CSMD1: variants seen among roughly 807,000 people sequenced by gnomAD.
CSMD1 encodes CUB and sushi domain-containing protein 1.
In CSMD1, 213 loss-of-function variants were observed where a neutral mutation model predicts 417.5. That is an observed-to-expected ratio of 0.51 (90% CI 0.46 to 0.57). The LOEUF (loss-of-function observed/expected upper bound fraction) is 0.57, where lower values mean the gene tolerates loss of function less well. CSMD1 is among the 20% of genes least tolerant of loss of function. The probability of loss-of-function intolerance (pLI) is 0.00; values close to 1 mark genes in which losing one functional copy is unlikely to be tolerated. For synonymous variants in CSMD1, 2,862 were observed against 1,736.8 expected (o/e 1.65, Z -16.11); for missense variants, 6,923 against 4,529.7 (o/e 1.53, Z -15.17).
intron 4 of CSMD1, among the ~76,000 whole-genome samples, chr8:4,018,924 C>T (rs766636217): frequency 6.6e-6 from 1 of 152,154 alleles, no homozygotes; most frequent in Admixed American, 6.5e-5. Flanking sequence ...AAGTTAATAA[C>T]AAGAACATAC....
intron 3 of CSMD1, among the ~76,000 whole-genome samples, chr8:4,173,668 A>C (rs1187575297): frequency 6.6e-6 from 1 of 152,170 alleles, no homozygotes; most frequent in Admixed American, 6.5e-5. Flanking sequence ...CAAAACTGTG[A>C]TAACTGTAGT....
At chr8:4,283,013 T>A (rs750528501) in intron 3 of CSMD1, among the ~76,000 whole-genome samples, 2 of 152,262 alleles carry the variant, frequency 1.3e-5, no homozygotes, top group African/African-American at 2.4e-5. Flanking sequence ...CTGCATTGTA[T>A]CCCTTTGATT....
chr8:4,329,336 T>C (rs1016656488), intron 3 of CSMD1, among the ~76,000 whole-genome samples: 1 of 152,186 alleles, frequency 6.6e-6, no homozygotes, highest in Non-Finnish European at 1.5e-5. Context: ...TCACCCAGGC[T>C]GGAGTGCAGT....
intron 1 of CSMD1, among the ~76,000 whole-genome samples, chr8:4,639,732 G>C (rs1176033517): frequency 6.6e-6 from 1 of 152,104 alleles, no homozygotes; most frequent in African/African-American, 2.4e-5. Flanking sequence ...TACTTAAAAA[G>C]TATTTTACAA....
chr8:4,484,291 C>G (rs1259542949), intron 2 of CSMD1, among the ~76,000 whole-genome samples: 2 of 151,456 alleles, frequency 1.3e-5, no homozygotes, highest in East Asian at 3.9e-4. Context: ...TTTGTTTTGT[C>G]CCTCTGTCCT....
intron 7 of CSMD1, among the ~76,000 whole-genome samples, chr8:3,691,008 C>T (rs1181496935): frequency 6.6e-6 from 1 of 152,094 alleles, no homozygotes; most frequent in Non-Finnish European, 1.5e-5. Context: ...TGACGGGTTT[C>T]ATCTTTACCC....
chr8:4,024,742 G>C (rs376858311), intron 4 of CSMD1, among the ~76,000 whole-genome samples: 1 of 152,144 alleles, frequency 6.6e-6, no homozygotes, highest in East Asian at 1.9e-4. Context: ...AGCTACTGCA[G>C]GCCGCTCTGT....
intron 5 of CSMD1, among the ~76,000 whole-genome samples, chr8:3,949,083 T>C (rs918790172): frequency 2.0e-5 from 3 of 152,186 alleles, no homozygotes; most frequent in African/African-American, 7.2e-5. Context: ...AATTAATAAA[T>C]ACAAATTATA....
At chr8:4,837,253 C>A (rs966703117) in intron 1 of CSMD1, among the ~76,000 whole-genome samples, 2 of 148,662 alleles carry the variant, frequency 1.3e-5, no homozygotes, top group Admixed American at 6.7e-5. Flanking sequence ...GGGCATATAC[C>A]CCCCAAAAAA....
intron 3 of CSMD1, among the ~76,000 whole-genome samples, chr8:4,187,728 T>G (rs1246758189): frequency 6.7e-6 from 1 of 149,256 alleles, no homozygotes; most frequent in Admixed American, 6.7e-5. Flanking sequence ...TAGTGTACAT[T>G]AAGGCACCAT....
In CSMD1 at chr8:3,993,125, T is replaced by C. The variant is rs141435555; in HGVS notation, c.818+4778A>G. On this transcript the variant is annotated intron_variant, in intron 5 of 69. Transcript: ENST00000635120. Reference sequence around the variant, plus strand: ...TAGCAGCACTGATGCTACATGAATTTCTTGGTGCCAATAATTACACTATGG... The same window carrying C: ...TAGCAGCACTGATGCTACATGAATTCCTTGGTGCCAATAATTACACTATGG... Among the ~76,000 whole-genome samples, 9 of 152,362 alleles carry C rather than the reference T, an allele frequency of 5.9e-5. No homozygotes were observed. In the East Asian group the frequency reaches 1.5e-3, roughly 26 times the overall value.
chr8:2,984,964 A>G (rs1056663611), intron 54 of CSMD1, among the ~76,000 whole-genome samples: 7 of 152,252 alleles, frequency 4.6e-5, no homozygotes, highest in Non-Finnish European at 1.0e-4. Context: ...GTTTTAAAGT[A>G]TAACTTCTTT....
intron 5 of CSMD1, among the ~76,000 whole-genome samples, chr8:3,903,446 T>C (rs547408586): frequency 1.3e-5 from 2 of 152,320 alleles, no homozygotes; most frequent in East Asian, 1.9e-4. Context: ...ATACACATTA[T>C]GTAAAATATT....
At chr8:3,059,887 C>G (rs1047396528) in intron 49 of CSMD1, among the ~76,000 whole-genome samples, 1 of 152,066 alleles carries the variant, frequency 6.6e-6, no homozygotes, top group Non-Finnish European at 1.5e-5. Context: ...ACGGGATTCA[C>G]TTCAGGGCAA....
intron 2 of CSMD1, among the ~76,000 whole-genome samples, chr8:4,569,657 T>G (rs1798788405): frequency 6.6e-6 from 1 of 151,820 alleles, no homozygotes; most frequent in East Asian, 1.9e-4. Context: ...GACCTTTAGT[T>G]TTTTTCTAAT....
intron 1 of CSMD1, among the ~76,000 whole-genome samples, chr8:4,944,701 C>G (rs557133839): frequency 6.6e-6 from 1 of 152,052 alleles, no homozygotes; most frequent in African/African-American, 2.4e-5. Context: ...CTCACACCCA[C>G]GCAGATGACT....
At chr8:4,104,297 T>C (rs1299561444) in intron 3 of CSMD1, among the ~76,000 whole-genome samples, 2 of 152,230 alleles carry the variant, frequency 1.3e-5, no homozygotes, top group Admixed American at 6.5e-5. Flanking sequence ...TAAGCACCCA[T>C]GTGCAAGGAT....
chr8:4,968,995 G>A (rs1230333943), intron 1 of CSMD1, among the ~76,000 whole-genome samples: 1 of 152,142 alleles, frequency 6.6e-6, no homozygotes, highest in African/African-American at 2.4e-5. Flanking sequence ...AGGTTTTTAT[G>A]AAACCAAGAT....
chr8:4,244,320 A>G (rs1013176041), intron 3 of CSMD1, among the ~76,000 whole-genome samples: 2 of 152,166 alleles, frequency 1.3e-5, no homozygotes, highest in Admixed American at 6.5e-5. Context: ...TCCATGCCTG[A>G]AACTTTGCCT....
Sources: gnomAD v4.1 joint callset for allele counts (sites outside exome capture counted in the v4.1 genomes callset) on GRCh38, gnomAD v4.1.1 for gene constraint, MANE v1.5 for transcripts, NCBI Gene and HGNC (gene_info 2026-07-23, HGNC 2026-07-21) for gene names.